NUP98: variants seen among roughly 807,000 people sequenced by gnomAD.
The protein encoded by NUP98 is nucleoporin 98 and 96 precursor, also known as nuclear pore complex protein Nup98-Nup96.
A neutral mutation model predicts 191.9 loss-of-function variants in NUP98; 26 were observed. That is an observed-to-expected ratio of 0.14 (90% CI 0.10 to 0.19). The LOEUF (loss-of-function observed/expected upper bound fraction) is 0.19, where lower values mean the gene tolerates loss of function less well. NUP98 is among the 10% of genes least tolerant of loss of function. NUP98 has a pLI of 1.00. For synonymous variants in NUP98, 808 were observed against 778.4 expected (o/e 1.04, Z -0.63); for missense variants, 1,941 against 2,178.8 (o/e 0.89, Z 2.17).
At chr11:3,795,030 G>A (rs2082481658) in intron 1 of NUP98, among the ~76,000 whole-genome samples, 2 of 152,050 alleles carry the variant, frequency 1.3e-5, no homozygotes, top group African/African-American at 4.8e-5. Context: ...TACTTTCCAG[G>A]TTAACTACCA....
At position 3,676,142 on chromosome 11, in the gene NUP98, T is replaced by C; in HGVS notation, c.*17A>G. 3.1e-6 allele frequency: 5 copies of C among 1,611,318 alleles called. No individual in the cohort carries two copies. The highest frequency in any genetic ancestry group is 1.8e-4 in the Middle Eastern group (1 of 5,638). ...GGTGTGAATGGGCATGTGACTGTGA[T>C]GCAAAGTGCCTGGGGCTCACAGGCT... On this transcript the variant is annotated 3_prime_UTR_variant, in exon 33 of 33. Transcript: ENST00000324932.
intron 29 of NUP98, among the ~76,000 whole-genome samples, chr11:3,684,766 CAAAA>C (rs71041370): frequency 6.9e-5 from 7 of 101,804 alleles, no homozygotes; most frequent in African/African-American, 1.2e-4. Flanking sequence ...TTTCACAGGC[CAAAA>C]AAAAAAAAAA....
Position 3,699,204 on chromosome 11 carries a change from G to A in NUP98, c.3887C>T (p.Thr1296Ile). ...RRAFSRWLSC[T>I]ATPQIEEEVS... ...TTCCTCTTCAATCTGAGGTGTGGCAGTACAGGATAGCCAGCGGGAGAAAGC... is the reference window on the plus strand; with the variant it reads ...TTCCTCTTCAATCTGAGGTGTGGCAATACAGGATAGCCAGCGGGAGAAAGC... Residue 1296 changes from threonine to isoleucine, a missense_variant, in exon 25 of 33, where the codon ACT becomes ATT. Thr to Ile is a moderately conservative substitution (Grantham distance 89, BLOSUM62 -1). This residue lies in a region of NUP98 where 1,030 missense variants were observed against 1,115.8 expected (regional missense o/e 0.92). Coordinates refer to ENST00000324932, the MANE Select transcript of NUP98 (RefSeq NM_016320.5). The A allele has an allele frequency of 4.3e-6, 7 of 1,614,206 alleles. No individual in the cohort carries two copies. The highest frequency in any genetic ancestry group is 5.1e-6 in the Non-Finnish European group (6 of 1,180,042).
chr11:3,763,177 C>A, intron 8 of NUP98, 138 bp from the exon 9 acceptor site: 3 of 744,218 alleles, frequency 4.0e-6, no homozygotes, highest in Non-Finnish European at 4.1e-6. Context: ...TAGATTATTT[C>A]CTTCAAAACA....
chr11:3,722,068 A>C (rs1312853431), intron 16 of NUP98, among the ~76,000 whole-genome samples: 1 of 151,052 alleles, frequency 6.6e-6, no homozygotes, highest in Non-Finnish European at 1.5e-5. Flanking sequence ...ATTCATGTAG[A>C]GATACATACA....
intron 10 of NUP98, among the ~76,000 whole-genome samples, chr11:3,756,335 T>C (rs1453201619): frequency 6.6e-6 from 1 of 152,072 alleles, no homozygotes; most frequent in African/African-American, 2.4e-5. Flanking sequence ...AAATTCAATT[T>C]TACAAATTAC....
At chr11:3,702,407 G>A (rs920301841) in intron 23 of NUP98, 56 bp downstream of exon 23, 1 of 1,359,616 alleles carries the variant, frequency 7.4e-7, no homozygotes, top group Non-Finnish European at 1.0e-6. Context: ...CTCCTGATTA[G>A]TTTTTTTCAC....
In NUP98 at chr11:3,702,326, CTCTCTCTCTCTCTCTCT is replaced by C. The variant is rs1171410046; in HGVS notation, c.3512+120_3512+136del. 5.1e-3 allele frequency: 1,072 copies of C among 210,158 alleles called. 13 individuals carry two copies. Among genetic ancestry groups the C allele is most frequent in the African/African-American group, 0.023 (221 of 9,632 alleles). The allele number at this position is 210,158 out of a possible 1,614,324, so 13.0% of individuals were successfully genotyped here. On this transcript the variant is annotated intron_variant, in intron 23 of 32. Transcript: ENST00000324932. ...ACACACACACACACTCTCTCTCTCT[CTCTCTCTCTCTCTCTCT>C]CTCTCTCTCTCTCTCTCTCTCTCTC... is the stretch of plus-strand genomic sequence containing the variant.
chr11:3,779,533 A>G (rs2081876581), intron 2 of NUP98, among the ~76,000 whole-genome samples: 1 of 151,860 alleles, frequency 6.6e-6, no homozygotes, highest in South Asian at 2.1e-4. Context: ...CCCAGCTACT[A>G]GGGAGGCTGA....
At chr11:3,775,842 G>A (rs376455891) in intron 5 of NUP98, 40 bp downstream of exon 5, 13 of 1,586,672 alleles carry the variant, frequency 8.2e-6, no homozygotes, top group African/African-American at 4.1e-5. Context: ...ATATACATGC[G>A]GGAAAAAACA....
chr11:3,743,456 C>A (rs921224098), intron 12 of NUP98, among the ~76,000 whole-genome samples: 1 of 145,926 alleles, frequency 6.9e-6, no homozygotes, highest in Non-Finnish European at 1.5e-5. Context: ...ACCATCCTGG[C>A]TAACATGGTG....
In NUP98 at chr11:3,763,050, G is replaced by A. The variant is rs2081225981; in HGVS notation, c.949-11C>T. On this transcript the variant is annotated splice_polypyrimidine_tract_variant and intron_variant, in intron 8 of 32. Coordinates refer to ENST00000324932, the MANE Select transcript of NUP98 (RefSeq NM_016320.5). ...TACTCCAAATAATCCCTGCAAAGAA[G>A]TTTATATAGATTAAAAGATATCCTG... 1.9e-6 allele frequency: 3 copies of A among 1,611,382 alleles called. No individual in the cohort carries two copies. Among genetic ancestry groups the A allele is most frequent in the African/African-American group, 1.3e-5 (1 of 74,882 alleles).
rs1238329158 is a variant in NUP98 at position 3,753,473 on chromosome 11, A to C, written c.1175-65T>G. 9 of 1,243,374 alleles carry C rather than the reference A, an allele frequency of 7.2e-6. No individual in the cohort carries two copies. In the African/African-American group the frequency reaches 1.2e-4, roughly 17 times the overall value. The allele number at this position is 1,243,374 out of a possible 1,614,324, so 77.0% of individuals were successfully genotyped here. A position where few individuals can be genotyped will look rare whatever the true frequency, so the allele number is the denominator to read the frequency against. ...TAACTCTCAATTTCCTCTATAAGGGAGTTTAACACAAAGCAGTCTGACTTT... is the reference window on the plus strand; with the variant it reads ...TAACTCTCAATTTCCTCTATAAGGGCGTTTAACACAAAGCAGTCTGACTTT... On this transcript the variant is annotated intron_variant, in intron 10 of 32. Coordinates refer to ENST00000324932, the MANE Select transcript of NUP98 (RefSeq NM_016320.5).
chr11:3,760,703 A>AT, intron 9 of NUP98, 77 bp from the exon 10 acceptor site: 1 of 1,249,426 alleles, frequency 8.0e-7, no homozygotes, highest in Non-Finnish European at 1.1e-6. Flanking sequence ...TACCTCAGGT[A>AT]TACTGGGTTG....
rs2077764187 is a variant in NUP98, at chr11:3,675,040, T to G, written c.*1119A>C. ...GGAATGCTATAAACATTTTATTTAT[T>G]TTTTAAGAAAGTAGCTTCAGAAAAA... On this transcript the variant is annotated 3_prime_UTR_variant, in exon 33 of 33. Transcript: ENST00000324932. 5.8e-6 allele frequency: 1 copy of G among 173,006 alleles called. No homozygotes were observed. Among genetic ancestry groups the G allele is most frequent in the African/African-American group, 2.4e-5 (1 of 42,074 alleles). 10.7% of individuals were successfully genotyped at this position (173,006 alleles called of 1,614,324 possible).
At chr11:3,727,048 C>T (rs975392452) in intron 14 of NUP98, among the ~76,000 whole-genome samples, 5 of 152,076 alleles carry the variant, frequency 3.3e-5, no homozygotes, top group African/African-American at 1.2e-4. Flanking sequence ...CAGATGTGAG[C>T]CATTGTACTC....
At chr11:3,690,194 C>A (rs1433218773) in intron 28 of NUP98, among the ~76,000 whole-genome samples, 1 of 151,744 alleles carries the variant, frequency 6.6e-6, no homozygotes, top group Non-Finnish European at 1.5e-5. Flanking sequence ...ATCAAGTGAT[C>A]CACCCACCTC....
At chr11:3,707,899 G>C (rs541155007) in intron 20 of NUP98, among the ~76,000 whole-genome samples, 1 of 151,896 alleles carries the variant, frequency 6.6e-6, no homozygotes, top group Non-Finnish European at 1.5e-5. Context: ...TCAGGAGTTC[G>C]AGACCAGCCT....
chr11:3,788,819 T>C (rs1589979904), intron 1 of NUP98, among the ~76,000 whole-genome samples: 1 of 151,898 alleles, frequency 6.6e-6, no homozygotes, highest in Non-Finnish European at 1.5e-5. Context: ...TCGTGACGCA[T>C]GCCTGTCATC....
Sources: gnomAD v4.1 joint callset for allele counts (sites outside exome capture counted in the v4.1 genomes callset) on GRCh38, gnomAD v4.1.1 for gene constraint, gnomAD v4.1.1 regional missense constraint, MANE v1.5 for transcripts, NCBI Gene and HGNC (gene_info 2026-07-23, HGNC 2026-07-21) for gene names.